The following BCAS1 variants were observed in gnomAD, a reference collection of about 807,000 sequenced individuals.
BCAS1 encodes breast carcinoma-amplified sequence 1.
Under a neutral mutation model 65.4 loss-of-function variants are expected in BCAS1, and 46 were observed. The observed-to-expected ratio is 0.70, with a 90% CI of 0.55 to 0.90. The LOEUF (loss-of-function observed/expected upper bound fraction) is 0.90, where lower values mean the gene tolerates loss of function less well. BCAS1 is among the 40% of genes least tolerant of loss of function. The probability of loss-of-function intolerance (pLI) is 0.00; values close to 1 mark genes in which losing one functional copy is unlikely to be tolerated. For missense variants in BCAS1, 793 were observed against 771.2 expected, an observed-to-expected ratio of 1.03 and a Z score of -0.33; for synonymous variants, 298 against 293.5, an observed-to-expected ratio of 1.02 and a Z score of -0.16.
chr20:53,944,184 C>T lies in BCAS1; in HGVS notation c.*738G>A, dbSNP rs1403810280. 1 of 152,182 alleles carries T rather than the reference C, an allele frequency of 6.6e-6. No individual in the cohort carries two copies. Among genetic ancestry groups the T allele is most frequent in the Admixed American group, 6.5e-5 (1 of 15,274 alleles). 9.4% of individuals were successfully genotyped at this position (152,182 alleles called of 1,614,324 possible). ...CCACCCAACACAGCCCGGGTTCTCC[C>T]TCCTTGAGATGTGAATTTAAACAAA... is the stretch of plus-strand genomic sequence containing the variant. On this transcript the variant is annotated 3_prime_UTR_variant, in exon 13 of 13. Coordinates refer to ENST00000688948, the MANE Select transcript of BCAS1 (RefSeq NM_001366298.2).
At chr20:53,997,552 C>T (rs977522087) in intron 4 of BCAS1, among the ~76,000 whole-genome samples, 1 of 150,338 alleles carries the variant, frequency 6.7e-6, no homozygotes, top group African/African-American at 2.5e-5. Context: ...GATCATCTCA[C>T]ACTTTTATTT....
In BCAS1 at chr20:53,957,454, T is replaced by C; in HGVS notation, c.1529A>G (p.Asn510Ser). 1 of 1,614,146 alleles carries C rather than the reference T, an allele frequency of 6.2e-7. No homozygotes were observed. Among genetic ancestry groups the C allele is most frequent in the South Asian group, 1.1e-5 (1 of 91,080 alleles). ...TACTTGGCAGCTGGAGTCTTTCCCA[T>C]TTATTTCTTCTGAGTGGGTGATCCC... ...DGGITHSEEI[N>S]GKDSSCQTSD... is the part of the protein sequence containing the mutation. Residue 510 changes from asparagine (N) to serine (S), a missense_variant, in exon 11 of 13, where the codon AAT (asparagine) becomes AGT (serine). Physicochemically the swap from Asn to Ser is conservative, Grantham distance 46. Transcript: ENST00000688948.
At chr20:53,950,666 A>G (rs2089491218) in intron 12 of BCAS1, among the ~76,000 whole-genome samples, 1 of 152,180 alleles carries the variant, frequency 6.6e-6, no homozygotes. Context: ...CCCTTCGAAT[A>G]TGAACCCCTG....
In BCAS1 at chr20:54,025,313, G is replaced by A. The variant is rs140559670; in HGVS notation, c.723+3079C>T. On this transcript the variant is annotated intron_variant, in intron 4 of 12. Coordinates refer to ENST00000688948, the MANE Select transcript of BCAS1 (RefSeq NM_001366298.2). The stretch of plus-strand genomic sequence containing the variant: ...TTTTAAATGCATATCTTACAGCTCT[G>A]GTTCAGTTGTTGTGGGGAGAGGAAA... 2.6e-3 allele frequency among the ~76,000 whole-genome samples: 396 copies of A among 152,212 alleles called. 2 individuals are homozygous for A. Among genetic ancestry groups the A allele is most frequent in the African/African-American group, 9.4e-3 (389 of 41,518 alleles).
At chr20:53,968,529 C>T (rs533544695) in intron 9 of BCAS1, among the ~76,000 whole-genome samples, 1 of 152,216 alleles carries the variant, frequency 6.6e-6, no homozygotes, top group Non-Finnish European at 1.5e-5. Flanking sequence ...CTCTGTATTG[C>T]CATTTGATTC....
At chr20:53,975,193 T>A (rs2090296343) in intron 9 of BCAS1, among the ~76,000 whole-genome samples, 196 bp downstream of exon 9, 1 of 152,182 alleles carries the variant, frequency 6.6e-6, no homozygotes, top group Non-Finnish European at 1.5e-5. Context: ...TTGCACTGAT[T>A]CAATGAGAGT....
intron 9 of BCAS1, 118 bp from the exon 10 acceptor site, chr20:53,967,191 T>C: frequency 9.7e-7 from 1 of 1,034,964 alleles, no homozygotes; most frequent in Non-Finnish European, 1.4e-6. Flanking sequence ...GTTTTGAATC[T>C]ATGACCATTT....
intron 3 of BCAS1, among the ~76,000 whole-genome samples, chr20:54,042,880 A>G (rs561607962): frequency 2.0e-5 from 3 of 152,248 alleles, no homozygotes; most frequent in Non-Finnish European, 2.9e-5. Context: ...GGCAGGTTCT[A>G]ACCAATGAGC....
Position 54,023,983 on chromosome 20 carries a change from C to A in BCAS1, c.723+4409G>T, listed in dbSNP as rs190939330. On this transcript the variant is annotated intron_variant, in intron 4 of 12. Transcript: ENST00000688948. ...AGAAAACCCATAATACTGGTAATAGCTAATTTCTCTTTTTCTTCTTTCAAA... is the reference window on the plus strand; with the variant it reads ...AGAAAACCCATAATACTGGTAATAGATAATTTCTCTTTTTCTTCTTTCAAA... Among the ~76,000 whole-genome samples the A allele has an allele frequency of 1.8e-4, 27 of 152,266 alleles. No individual in the cohort carries two copies. In the East Asian group the frequency reaches 3.5e-3, roughly 20 times the overall value.
At chr20:53,950,758 G>A (rs2089494193) in intron 12 of BCAS1, among the ~76,000 whole-genome samples, 1 of 152,156 alleles carries the variant, frequency 6.6e-6, no homozygotes, top group Non-Finnish European at 1.5e-5. Flanking sequence ...TCTGCAAAGG[G>A]CCAGTTGGCA....
intron 8 of BCAS1, among the ~76,000 whole-genome samples, chr20:53,978,960 G>A (rs139271177): frequency 0.02 from 3,047 of 152,274 alleles, 46 homozygotes; most frequent in Middle Eastern, 0.051. Flanking sequence ...TGCTCATAGC[G>A]TTGTTTTAAG....
intron 7 of BCAS1, among the ~76,000 whole-genome samples, chr20:53,991,682 C>T (rs1424776826): frequency 6.6e-6 from 1 of 152,160 alleles, no homozygotes; most frequent in Non-Finnish European, 1.5e-5. Context: ...TGCCTTCATT[C>T]ATTGCTTTTT....
intron 12 of BCAS1, 131 bp downstream of exon 12, chr20:53,953,301 C>T (rs2089587868): frequency 8.3e-7 from 1 of 1,206,322 alleles, no homozygotes; most frequent in African/African-American, 1.5e-5. Flanking sequence ...CATAGCAGTT[C>T]AAAAACCCTG....
intron 4 of BCAS1, among the ~76,000 whole-genome samples, chr20:54,004,409 A>C (rs1286292708): frequency 6.6e-6 from 1 of 152,216 alleles, no homozygotes; most frequent in Non-Finnish European, 1.5e-5. Context: ...AACTAAGACA[A>C]TGTGCACTAG....
chr20:54,010,854 G>A (rs2091303616), intron 4 of BCAS1, among the ~76,000 whole-genome samples: 1 of 152,168 alleles, frequency 6.6e-6, no homozygotes, highest in African/African-American at 2.4e-5. Context: ...GCTACAGTAA[G>A]CAAGGCTGTA....
chr20:54,038,387 C>T (rs931040331), intron 3 of BCAS1, among the ~76,000 whole-genome samples: 1 of 151,246 alleles, frequency 6.6e-6, no homozygotes, highest in Non-Finnish European at 1.5e-5. Context: ...CTGTAAGCCC[C>T]AAGTGGACCC....
At chr20:53,949,119 G>C (rs2089429757) in intron 12 of BCAS1, among the ~76,000 whole-genome samples, 1 of 152,100 alleles carries the variant, frequency 6.6e-6, no homozygotes, top group African/African-American at 2.4e-5. Context: ...TGGTGCTTAG[G>C]GGAAGGGAGA....
rs543631739 is a variant in BCAS1, at chr20:54,009,921, A to C, written c.724-13871T>G. ...TACTATAGGTTTGCAAGCTTGATTA[A>C]TATTTGAAAGTCAATTGATGTTATC... On this transcript the variant is annotated intron_variant, in intron 4 of 12. Transcript: ENST00000688948. 5.3e-5 allele frequency among the ~76,000 whole-genome samples: 8 copies of C among 152,328 alleles called. No individual in the cohort carries two copies. The South Asian group carries it at 1.7e-3, about 32-fold the overall frequency.
intron 11 of BCAS1, among the ~76,000 whole-genome samples, chr20:53,954,447 G>C (rs1292807390): frequency 6.6e-6 from 1 of 152,198 alleles, no homozygotes; most frequent in Non-Finnish European, 1.5e-5. Flanking sequence ...CCACATGCGA[G>C]TGTTTTCCTG....
Sources: allele counts gnomAD v4.1 joint callset (sites outside exome capture counted in the v4.1 genomes callset), GRCh38; gene constraint gnomAD v4.1.1; transcripts MANE v1.5; gene names NCBI Gene and HGNC (gene_info 2026-07-23, HGNC 2026-07-21).